Variants in ROR1 observed in about 807,000 individuals in gnomAD.
ROR1 encodes inactive tyrosine-protein kinase transmembrane receptor ROR1.
In ROR1, 19 loss-of-function variants were observed where a neutral mutation model predicts 78.8. That is an observed-to-expected ratio of 0.24 (90% CI 0.17 to 0.35). The LOEUF (loss-of-function observed/expected upper bound fraction) is 0.35, where lower values mean the gene tolerates loss of function less well. Among genes scored for constraint, ROR1 ranks in the 10% least tolerant of loss-of-function variants. The probability of loss-of-function intolerance (pLI) is 1.00; values close to 1 mark genes in which losing one functional copy is unlikely to be tolerated. For synonymous variants in ROR1, 386 were observed against 433.6 expected (o/e 0.89, Z 1.36); for missense variants, 917 against 1,177.8 (o/e 0.78, Z 3.24).
At chr1:64,027,651 C>G (rs1438552437) in intron 2 of ROR1, among the ~76,000 whole-genome samples, 1 of 151,638 alleles carries the variant, frequency 6.6e-6, no homozygotes, top group Non-Finnish European at 1.5e-5. Context: ...TTTGCATGCT[C>G]ATAACATCCC....
Position 63,774,218 on chromosome 1 carries a change from G to A in ROR1, c.-200G>A, listed in dbSNP as rs947631290. The A allele has an allele frequency of 7.7e-6, 2 of 261,300 alleles. No homozygotes were observed. Among genetic ancestry groups the A allele is most frequent in the Non-Finnish European group, 1.4e-5 (2 of 139,836 alleles). 16.2% of individuals were successfully genotyped at this position (261,300 alleles called of 1,614,324 possible). Reference sequence around the variant, plus strand: ...GAGGCTGCAGCCAGAGGGCTGGGAAGGGATCGCGCTCGCGGCATCCAGAGG... The same window carrying A: ...GAGGCTGCAGCCAGAGGGCTGGGAAAGGATCGCGCTCGCGGCATCCAGAGG... On this transcript the variant is annotated 5_prime_UTR_variant, in exon 1 of 9. Transcript: ENST00000371079. The surrounding 1 kb of genome is among the most constrained non-coding windows in gnomAD (Gnocchi z 5.7).
intron 4 of ROR1, among the ~76,000 whole-genome samples, chr1:64,058,789 T>G (rs942503088): frequency 1.3e-5 from 2 of 152,168 alleles, no homozygotes; most frequent in African/African-American, 4.8e-5. Context: ...TATTGGTCTG[T>G]GCTTTGCATT....
chr1:63,905,690 T>C (rs1645522765), intron 1 of ROR1, among the ~76,000 whole-genome samples: 1 of 152,202 alleles, frequency 6.6e-6, no homozygotes, highest in South Asian at 2.1e-4. Flanking sequence ...ACATGCACCA[T>C]CATGGAAAAG....
At position 64,016,759 on chromosome 1, in the gene ROR1, T is replaced by G. The variant is rs892883672; in HGVS notation, c.163+7383T>G. Among the ~76,000 whole-genome samples the G allele has an allele frequency of 3.5e-4, 34 of 98,254 alleles. 1 individual carries two copies. Among genetic ancestry groups the G allele is most frequent in the African/African-American group, 1.1e-3 (34 of 31,134 alleles). The allele number at this position is 98,254 out of a possible 152,430, so 64.5% of individuals were successfully genotyped here. A position where few individuals can be genotyped will look rare whatever the true frequency, so the allele number is the denominator to read the frequency against. On this transcript the variant is annotated intron_variant, in intron 2 of 8. Coordinates refer to ENST00000371079, the MANE Select transcript of ROR1 (RefSeq NM_005012.4). ...TATATATATATATATAAAGATTTTATGTGTAAGGGATTATCATTACTGATT... is the reference window on the plus strand; with the variant it reads ...TATATATATATATATAAAGATTTTAGGTGTAAGGGATTATCATTACTGATT...
chr1:63,843,926 C>T (rs1427668627), intron 1 of ROR1, among the ~76,000 whole-genome samples: 2 of 152,148 alleles, frequency 1.3e-5, no homozygotes, highest in Non-Finnish European at 2.9e-5. Context: ...TCTGACTCTT[C>T]CCTGCTTAAA....
At chr1:64,058,598 T>G (rs1162561274) in intron 4 of ROR1, among the ~76,000 whole-genome samples, 4 of 3,360 alleles carry the variant, frequency 1.2e-3, no homozygotes, top group Non-Finnish European at 2.2e-3. Flanking sequence ...TCGTGGTGGG[T>G]TTTTTTTTGT....
At chr1:64,137,241 C>T (rs540918191) in intron 4 of ROR1, 128 bp from the exon 5 acceptor site, 1 of 886,026 alleles carries the variant, frequency 1.1e-6, no homozygotes, top group African/African-American at 1.7e-5. Flanking sequence ...AATTCCTTAG[C>T]CCAGTCTTTT....
At chr1:64,108,923 A>C (rs376880220) in intron 4 of ROR1, among the ~76,000 whole-genome samples, 60 of 152,302 alleles carry the variant, frequency 3.9e-4, no homozygotes, top group African/African-American at 1.3e-3. Flanking sequence ...AGTCCTACTA[A>C]ATCCAAATCT....
At chr1:64,032,701 ATGCT>A (rs1317469315) in intron 2 of ROR1, among the ~76,000 whole-genome samples, 1 of 152,174 alleles carries the variant, frequency 6.6e-6, no homozygotes, top group Non-Finnish European at 1.5e-5. Flanking sequence ...AGCTTGGAGG[ATGCT>A]ATCAGGGAAG....
chr1:64,103,928 G>A, intron 4 of ROR1, among the ~76,000 whole-genome samples: 1 of 152,106 alleles, frequency 6.6e-6, no homozygotes, highest in South Asian at 2.1e-4. Context: ...ACTTTGCAAT[G>A]TCTACAAACA....
At chr1:63,797,841 C>G (rs985471346) in intron 1 of ROR1, among the ~76,000 whole-genome samples, 10 of 147,924 alleles carry the variant, frequency 6.8e-5, no homozygotes, top group African/African-American at 2.5e-4. Context: ...TAAAGCAGGA[C>G]TGATTGTAGT....
chr1:64,150,926 C>A (rs1487354261), intron 7 of ROR1, among the ~76,000 whole-genome samples: 1 of 152,106 alleles, frequency 6.6e-6, no homozygotes, highest in African/African-American at 2.4e-5. Flanking sequence ...CTTCTGAAAC[C>A]TCTGAACTTT....
intron 7 of ROR1, chr1:64,142,870 C>G (rs1195028341): frequency 1.4e-6 from 2 of 1,384,310 alleles, no homozygotes; most frequent in Non-Finnish European, 1.9e-6. Flanking sequence ...TACCTGCAGC[C>G]ATTGCACTCA....
intron 8 of ROR1, among the ~76,000 whole-genome samples, chr1:64,165,373 G>T (rs1487124360): frequency 2.6e-5 from 4 of 152,002 alleles, no homozygotes; most frequent in Non-Finnish European, 5.9e-5. Flanking sequence ...ATGTTTGTTG[G>T]CCACACGTAT....
At chr1:64,030,620 T>G (rs1646652455) in intron 2 of ROR1, among the ~76,000 whole-genome samples, 1 of 152,122 alleles carries the variant, frequency 6.6e-6, no homozygotes, top group Non-Finnish European at 1.5e-5. Context: ...CATGACCAGT[T>G]TTCAGGAATG....
intron 2 of ROR1, among the ~76,000 whole-genome samples, chr1:64,037,505 C>G (rs905190022): frequency 1.3e-5 from 2 of 152,072 alleles, no homozygotes; most frequent in Non-Finnish European, 2.9e-5. Flanking sequence ...GGATCAGGGC[C>G]TTGTTTTATC....
chr1:63,785,650 C>G (rs527363231), intron 1 of ROR1, among the ~76,000 whole-genome samples: 1 of 151,828 alleles, frequency 6.6e-6, no homozygotes, highest in Non-Finnish European at 1.5e-5. Flanking sequence ...CTCAGCCTCC[C>G]GAGCAGCTTG....
chr1:63,815,181 C>T (rs1644883233), intron 1 of ROR1, among the ~76,000 whole-genome samples: 1 of 152,156 alleles, frequency 6.6e-6, no homozygotes. Flanking sequence ...CCCTAGTTCC[C>T]CCAGGTCATT....
chr1:64,032,537 A>G (rs1646669966), intron 2 of ROR1, among the ~76,000 whole-genome samples: 1 of 152,146 alleles, frequency 6.6e-6, no homozygotes. Flanking sequence ...ACCCAAAGAA[A>G]AGAATGGTTC....
Sources: gnomAD v4.1 joint callset for allele counts (sites outside exome capture counted in the v4.1 genomes callset) on GRCh38, gnomAD v4.1.1 for gene constraint, Gnocchi (gnomAD v3.1) non-coding constraint, MANE v1.5 for transcripts, NCBI Gene and HGNC (gene_info 2026-07-23, HGNC 2026-07-21) for gene names.